SH3PXD2A: variants seen among roughly 807,000 people sequenced by gnomAD.
The protein encoded by SH3PXD2A is SH3 and PX domain-containing protein 2A.
SH3PXD2A carries 32 observed loss-of-function variants against 115.2 expected under a neutral mutation model. The observed-to-expected ratio is 0.28, with a 90% CI of 0.21 to 0.37. The LOEUF (loss-of-function observed/expected upper bound fraction) is 0.37, where lower values mean the gene tolerates loss of function less well. SH3PXD2A is among the 10% of genes least tolerant of loss of function. The pLI, the probability that SH3PXD2A is intolerant of heterozygous loss-of-function variation, is 1.00. For synonymous variants in SH3PXD2A, 610 were observed against 629.1 expected (o/e 0.97, Z 0.45); for missense variants, 1,328 against 1,498.7 (o/e 0.89, Z 1.88).
At chr10:103,775,829 G>T (rs1162639579) in intron 2 of SH3PXD2A, among the ~76,000 whole-genome samples, 1 of 152,156 alleles carries the variant, frequency 6.6e-6, no homozygotes, top group Non-Finnish European at 1.5e-5. Flanking sequence ...GTGACGAGAT[G>T]GAGAAGTCAT....
chr10:103,798,908 G>GC (rs890373335), intron 2 of SH3PXD2A, among the ~76,000 whole-genome samples: 2 of 152,042 alleles, frequency 1.3e-5, no homozygotes, highest in African/African-American at 4.8e-5. Context: ...GCCCCTAGAC[G>GC]CCCCCCAGCC....
chr10:103,632,093 GGAGGTTGAGGCTGCAGT>G (rs1379849528), intron 8 of SH3PXD2A, among the ~76,000 whole-genome samples: 1 of 152,090 alleles, frequency 6.6e-6, no homozygotes, highest in East Asian at 1.9e-4. Context: ...CTTGGGCACG[GGAGGTTGAGGCTGCAGT>G]GAGCCGTGAT....
intron 8 of SH3PXD2A, among the ~76,000 whole-genome samples, chr10:103,657,688 C>G (rs534824086): frequency 2.0e-5 from 3 of 152,348 alleles, no homozygotes; most frequent in African/African-American, 7.2e-5. Context: ...TTCTCTGGAA[C>G]AGGTTTGTCC....
chr10:103,721,508 G>T (rs917294672), intron 5 of SH3PXD2A, among the ~76,000 whole-genome samples: 12 of 152,218 alleles, frequency 7.9e-5, no homozygotes, highest in Non-Finnish European at 1.6e-4. Context: ...CAGCTGACTG[G>T]CAAAGAGCAG....
rs542463811 is a variant in SH3PXD2A at position 103,828,774 on chromosome 10, T to C, written c.72+26421A>G. ...TTTTGGGTCTTTGGAGAACAAAGAC[T>C]GTTTGTGTTCTGTACTTCGTCCTCT... On this transcript the variant is annotated intron_variant, in intron 1 of 14. Coordinates refer to ENST00000369774, the MANE Select transcript of SH3PXD2A (RefSeq NM_001394015.1). Among the ~76,000 whole-genome samples the C allele has an allele frequency of 7.9e-5, 12 of 152,366 alleles. 1 individual carries two copies. In the South Asian group the frequency reaches 2.5e-3, roughly 32 times the overall value.
At chr10:103,821,967 G>A (rs1232301074) in intron 1 of SH3PXD2A, among the ~76,000 whole-genome samples, 3 of 151,562 alleles carry the variant, frequency 2.0e-5, no homozygotes, top group East Asian at 3.9e-4. Flanking sequence ...GCAGTGGCAC[G>A]ATCTTGGCTC....
intron 2 of SH3PXD2A, among the ~76,000 whole-genome samples, chr10:103,778,923 G>GC (rs942214482): frequency 5.3e-5 from 8 of 152,208 alleles, no homozygotes; most frequent in African/African-American, 1.4e-4. Context: ...AGAGCATGAG[G>GC]CCAGGGCAGC....
intron 1 of SH3PXD2A, among the ~76,000 whole-genome samples, chr10:103,820,437 T>C (rs1427078479): frequency 6.6e-6 from 1 of 152,170 alleles, no homozygotes; most frequent in Non-Finnish European, 1.5e-5. Context: ...CTGCATCTGG[T>C]CGGGCTTCCC....
intron 2 of SH3PXD2A, among the ~76,000 whole-genome samples, chr10:103,774,056 T>G (rs960987457): frequency 5.3e-5 from 8 of 152,230 alleles, no homozygotes; most frequent in Non-Finnish European, 1.0e-4. Flanking sequence ...ATTTATTCTC[T>G]TTGGGAGTTC....
chr10:103,651,450 G>A (rs2037121346), intron 8 of SH3PXD2A, among the ~76,000 whole-genome samples: 1 of 152,230 alleles, frequency 6.6e-6, no homozygotes, highest in South Asian at 2.1e-4. Context: ...CCTGTGCTCT[G>A]TGGCCAGGGA....
chr10:103,615,938 C>A lies in SH3PXD2A; in HGVS notation c.920+1259G>T, dbSNP rs2036511698. 2.6e-5 allele frequency among the ~76,000 whole-genome samples: 4 copies of A among 150,964 alleles called. No homozygotes were observed. The South Asian group carries it at 8.4e-4, about 32-fold the overall frequency. On this transcript the variant is annotated intron_variant, in intron 11 of 14. Transcript: ENST00000369774. ...AGGGGCACTGGCTTTGGACAATACA[C>A]ATCCAGATGCACAGTCCCATCCCAC...
chr10:103,682,832 C>T (rs943494204), intron 6 of SH3PXD2A, among the ~76,000 whole-genome samples: 1 of 152,022 alleles, frequency 6.6e-6, no homozygotes, highest in African/African-American at 2.4e-5. Flanking sequence ...AAGACACGCT[C>T]ACTTTTGAAA....
intron 2 of SH3PXD2A, among the ~76,000 whole-genome samples, chr10:103,791,569 G>C (rs2039036656): frequency 6.6e-6 from 1 of 152,118 alleles, no homozygotes; most frequent in Non-Finnish European, 1.5e-5. Flanking sequence ...GTGATTCTCA[G>C]GGCCTGAGCT....
rs1049572908 is a variant in SH3PXD2A, at chr10:103,665,554, T to A, written c.472+3054A>T. ...GGACACTCTGTCCTTCTGGCTGCCC[T>A]TCCCTCCCGTTGCACAGGCAGGCTC... On this transcript the variant is annotated intron_variant, in intron 7 of 14. Coordinates refer to ENST00000369774, the MANE Select transcript of SH3PXD2A (RefSeq NM_001394015.1). This position sits in a 1 kb window ranked among gnomAD's most constrained non-coding sequence, Gnocchi z 4.0. Among the ~76,000 whole-genome samples, 4 of 152,200 alleles carry A rather than the reference T, an allele frequency of 2.6e-5. No individual in the cohort carries two copies. The highest frequency in any genetic ancestry group is 5.9e-5 in the Non-Finnish European group (4 of 68,028).
intron 5 of SH3PXD2A, among the ~76,000 whole-genome samples, chr10:103,693,919 C>T (rs2037792926): frequency 6.6e-6 from 1 of 152,170 alleles, no homozygotes; most frequent in Admixed American, 6.5e-5. Flanking sequence ...ACCCTCCCAG[C>T]CTCCGTTTAC....
At chr10:103,765,635 A>C (rs149002587) in intron 3 of SH3PXD2A, among the ~76,000 whole-genome samples, 5 of 152,362 alleles carry the variant, frequency 3.3e-5, no homozygotes, top group Non-Finnish European at 5.9e-5. Context: ...TTCTGGAGCA[A>C]ACAGGCGACC....
At chr10:103,796,640 T>A (rs939314884) in intron 2 of SH3PXD2A, among the ~76,000 whole-genome samples, 20 of 152,170 alleles carry the variant, frequency 1.3e-4, no homozygotes, top group Non-Finnish European at 2.2e-4. Context: ...GTACAAAAGC[T>A]GCTGCCTGGG....
At position 103,855,428 on chromosome 10, in the gene SH3PXD2A, G is replaced by T; in HGVS notation, c.-162C>A. On this transcript the variant is annotated 5_prime_UTR_variant, in exon 1 of 15. Transcript: ENST00000369774. ...CCGGCGCCCACAGGTCCGGCCCAGGGACGGGGGAGGGTCCCGGAGGGCGCG... is the reference window on the plus strand; with the variant it reads ...CCGGCGCCCACAGGTCCGGCCCAGGTACGGGGGAGGGTCCCGGAGGGCGCG... The T allele has an allele frequency of 2.7e-6, 1 of 371,618 alleles. No homozygotes were observed. The highest frequency in any genetic ancestry group is 5.6e-5 in the South Asian group (1 of 17,926). The allele number at this position is 371,618 out of a possible 1,614,324, so 23.0% of individuals were successfully genotyped here.
intron 9 of SH3PXD2A, among the ~76,000 whole-genome samples, chr10:103,624,936 G>A (rs1348095144): frequency 2.6e-5 from 4 of 152,186 alleles, no homozygotes; most frequent in Non-Finnish European, 5.9e-5. Flanking sequence ...GAAGTTGCCA[G>A]GAGAATTGGC....
Sources: gnomAD v4.1 joint callset for allele counts (sites outside exome capture counted in the v4.1 genomes callset) on GRCh38, gnomAD v4.1.1 for gene constraint, Gnocchi (gnomAD v3.1) non-coding constraint, MANE v1.5 for transcripts, NCBI Gene and HGNC (gene_info 2026-07-23, HGNC 2026-07-21) for gene names.